MAP3K10: variants seen among roughly 807,000 people sequenced by gnomAD.
MAP3K10 encodes mitogen-activated protein kinase kinase kinase 10.
A neutral mutation model predicts 75.0 loss-of-function variants in MAP3K10; 22 were observed. That is an observed-to-expected ratio of 0.29 (90% CI 0.21 to 0.42). The LOEUF (loss-of-function observed/expected upper bound fraction) is 0.42, where lower values mean the gene tolerates loss of function less well. Among genes scored for constraint, MAP3K10 ranks in the 10% least tolerant of loss-of-function variants. MAP3K10 has a pLI of 1.00. For synonymous variants in MAP3K10, 599 were observed against 612.9 expected, an observed-to-expected ratio of 0.98 and a Z score of 0.34; for missense variants, 1,165 against 1,379.8, an observed-to-expected ratio of 0.84 and a Z score of 2.47.
Position 40,205,921 on chromosome 19 carries a change from G to A in MAP3K10, c.1199G>A (p.Ser400Asn). The A allele has an allele frequency of 3.8e-6, 6 of 1,566,918 alleles. No homozygotes were observed. Among genetic ancestry groups the A allele is most frequent in the Non-Finnish European group, 5.2e-6 (6 of 1,154,074 alleles). ...GCCTCTCCTTCCCAGGAGCTTCGGA[G>A]CCGTGAGGAGGAGCTGCTGCGGGCG... Reference protein sequence around the residue: ...DLRTKEKELRSREEELLRAAQ... With the variant: ...DLRTKEKELRNREEELLRAAQ... The change falls in exon 5 of 10, where the codon AGC (serine) becomes AAC (asparagine). Residue 400 changes from serine (S) to asparagine (N), a missense_variant. Around this residue, in one of 2 missense-constraint regions of MAP3K10, gnomAD observed 575 missense variants for 793.2 expected, o/e 0.72. Transcript: ENST00000253055. This position sits in a 1 kb window ranked among gnomAD's most constrained non-coding sequence, Gnocchi z 4.3.
In MAP3K10 at chr19:40,215,196, G is replaced by T; in HGVS notation, c.2769G>T (p.Gly923=). Residue 923 remains glycine (G), a synonymous_variant, in exon 10 of 10, where the codon GGG becomes GGT. Coordinates refer to ENST00000253055, the MANE Select transcript of MAP3K10 (RefSeq NM_002446.4). ...GGCCAGACACTCCGGAGAGCCCTGGGCCCCCCAGCGTGCAGCCCACACTGC... is the reference window on the plus strand; with the variant it reads ...GGCCAGACACTCCGGAGAGCCCTGGTCCCCCCAGCGTGCAGCCCACACTGC... ...PSRPDTPESP[G]PPSVQPTLLD... 1 of 1,585,714 alleles carries T rather than the reference G, an allele frequency of 6.3e-7. No individual in the cohort carries two copies. Among genetic ancestry groups the T allele is most frequent in the Non-Finnish European group, 8.6e-7 (1 of 1,167,020 alleles).
Position 40,212,249 on chromosome 19 carries a change from G to T in MAP3K10, c.1553-556G>T, listed in dbSNP as rs1189243116. Among the ~76,000 whole-genome samples the T allele has an allele frequency of 1.3e-5, 2 of 152,186 alleles. No homozygotes were observed. Among genetic ancestry groups the T allele is most frequent in the African/African-American group, 4.8e-5 (2 of 41,442 alleles). ...CACGGTCATCGGAGTTTCCTGGTGG[G>T]TTGAAGGGTGAAAGGCTAGCTCCCA... On this transcript the variant is annotated intron_variant, in intron 6 of 9. Coordinates refer to ENST00000253055, the MANE Select transcript of MAP3K10 (RefSeq NM_002446.4). This position sits in a 1 kb window ranked among gnomAD's most constrained non-coding sequence, Gnocchi z 4.2.
At chr19:40,209,405 T>C (rs1473491447) in intron 6 of MAP3K10, among the ~76,000 whole-genome samples, 186 bp downstream of exon 6, 1 of 152,050 alleles carries the variant, frequency 6.6e-6, no homozygotes, top group Non-Finnish European at 1.5e-5. Context: ...TAATTTCTTT[T>C]TTTTTTTTTT....
intron 6 of MAP3K10, among the ~76,000 whole-genome samples, chr19:40,210,956 C>G (rs1973227883): frequency 6.6e-6 from 1 of 152,190 alleles, no homozygotes; most frequent in South Asian, 2.1e-4. Flanking sequence ...CAGCAACACC[C>G]TCACAGAAAT....
chr19:40,208,221 G>C (rs1973158641), intron 5 of MAP3K10, among the ~76,000 whole-genome samples: 1 of 151,626 alleles, frequency 6.6e-6, no homozygotes, highest in African/African-American at 2.4e-5. Context: ...ACCCAGGCTG[G>C]AGTGCAGTGG....
Position 40,214,002 on chromosome 19 carries a change from T to TACCCCCC in MAP3K10, c.2323_2324insACCCCCC (p.Ser775TyrfsTer79). On this transcript the variant is annotated frameshift_variant, in exon 9 of 10. Transcript: ENST00000253055. LOFTEE classifies it high-confidence loss of function. The stretch of plus-strand genomic sequence containing the variant: ...TGACGAGGCCGCACCGGCCGCGCCC[T>TACCCCCC]CCCCACCACCCTCCCCGCCCGCGCC... The TACCCCCC allele has an allele frequency of 2.7e-6, 4 of 1,493,662 alleles. No individual in the cohort carries two copies. Among genetic ancestry groups the TACCCCCC allele is most frequent in the African/African-American group, 1.5e-5 (1 of 67,948 alleles). 92.5% of individuals were successfully genotyped at this position (1,493,662 alleles called of 1,614,324 possible).
Position 40,204,398 on chromosome 19 carries a change from G to A in MAP3K10, c.864-87G>A. 6.7e-7 allele frequency: 1 copy of A among 1,488,404 alleles called. No individual in the cohort carries two copies. Among genetic ancestry groups the A allele is most frequent in the Non-Finnish European group, 9.0e-7 (1 of 1,106,990 alleles). The allele number at this position is 1,488,404 out of a possible 1,614,324, so 92.2% of individuals were successfully genotyped here. ...GGGGGTGGCTGTTGGGGTGAGGGCAGCCCTGCATGGGACCAAGGGCAGGGC... is the reference window on the plus strand; with the variant it reads ...GGGGGTGGCTGTTGGGGTGAGGGCAACCCTGCATGGGACCAAGGGCAGGGC... On this transcript the variant is annotated intron_variant, in intron 2 of 9. Coordinates refer to ENST00000253055, the MANE Select transcript of MAP3K10 (RefSeq NM_002446.4). The surrounding 1 kb of genome is among the most constrained non-coding windows in gnomAD (Gnocchi z 4.3).
At chr19:40,209,560 A>G (rs1403091536) in intron 6 of MAP3K10, among the ~76,000 whole-genome samples, 1 of 151,902 alleles carries the variant, frequency 6.6e-6, no homozygotes, top group Non-Finnish European at 1.5e-5. Context: ...TTACAGTCAC[A>G]CATGACCACG....
chr19:40,210,007 C>T (rs1005463095), intron 6 of MAP3K10, among the ~76,000 whole-genome samples: 2 of 152,052 alleles, frequency 1.3e-5, no homozygotes, highest in Non-Finnish European at 2.9e-5. Context: ...GTGGCTCACG[C>T]CTGTAATTCC....
chr19:40,208,181 G>GT (rs942249889), intron 5 of MAP3K10, among the ~76,000 whole-genome samples: 80 of 150,602 alleles, frequency 5.3e-4, no homozygotes, highest in Admixed American at 1.7e-3. Context: ...TTTTGTTTTT[G>GT]TTTTTTTTGA....
chr19:40,193,175 G>A (rs778201135), intron 1 of MAP3K10, among the ~76,000 whole-genome samples: 1 of 152,078 alleles, frequency 6.6e-6, no homozygotes. Context: ...GTTGCTTAGC[G>A]GCATCTTTAG....
rs1258703155 is a variant in MAP3K10 at position 40,213,291 on chromosome 19, G to A, written c.1837+103G>A. The A allele has an allele frequency of 6.9e-7, 1 of 1,454,574 alleles. No individual in the cohort carries two copies. The highest frequency in any genetic ancestry group is 9.0e-7 in the Non-Finnish European group (1 of 1,106,206). The allele number at this position is 1,454,574 out of a possible 1,614,324, so 90.1% of individuals were successfully genotyped here. On this transcript the variant is annotated intron_variant, in intron 8 of 9. Transcript: ENST00000253055. The surrounding 1 kb of genome is among the most constrained non-coding windows in gnomAD (Gnocchi z 5.7). ...CCAGGTTTCACTGGGCCAGTGAGTG[G>A]AAGGCCTTCCTGGGAAGGGAGATGG...
In MAP3K10 at chr19:40,208,442, T is replaced by C. The variant is rs543453651; in HGVS notation, c.1436-661T>C. On this transcript the variant is annotated intron_variant, in intron 5 of 9. Coordinates refer to ENST00000253055, the MANE Select transcript of MAP3K10 (RefSeq NM_002446.4). ...CAATCTCCTGACCTCGTGATCCGCC[T>C]GCCTCGGCCTCCCAAAGTGCTGGGA... Among the ~76,000 whole-genome samples the C allele has an allele frequency of 6.7e-3, 965 of 143,374 alleles. 13 individuals carry two copies. The highest frequency in any genetic ancestry group is 0.023 in the African/African-American group (908 of 39,590). 94.1% of individuals were successfully genotyped at this position (143,374 alleles called of 152,430 possible). A position where few individuals can be genotyped will look rare whatever the true frequency, so the allele number is the denominator to read the frequency against.
In MAP3K10 at chr19:40,192,153, A is replaced by C. The variant is rs745925376; in HGVS notation, c.122A>C (p.Asp41Ala). The C allele has an allele frequency of 2.5e-6, 4 of 1,601,434 alleles. No individual in the cohort carries two copies. The African/African-American group carries it at 5.4e-5, about 21-fold the overall frequency. Residue 41 changes from aspartate (D) to alanine (A), a missense_variant, in exon 1 of 10, where the codon GAT becomes GCT. By Grantham distance (126) the Asp-to-Ala change is moderately radical (BLOSUM62 -2). This residue lies in a region of MAP3K10 where 575 missense variants were observed against 793.2 expected (regional missense o/e 0.72). Coordinates refer to ENST00000253055, the MANE Select transcript of MAP3K10 (RefSeq NM_002446.4). The surrounding 1 kb of genome is among the most constrained non-coding windows in gnomAD (Gnocchi z 7.1). The part of the protein sequence containing the change: ...GDEELTLRRG[D>A]RVQVLSQDCA... ...GAGGAGCTGACCCTGCGGAGGGGCG[A>C]TCGCGTCCAGGTGCTTTCCCAAGAC... is the stretch of plus-strand genomic sequence containing the variant.
chr19:40,206,704 G>T (rs1193877678), intron 5 of MAP3K10, among the ~76,000 whole-genome samples: 1 of 152,202 alleles, frequency 6.6e-6, no homozygotes, highest in African/African-American at 2.4e-5. Context: ...TGCCCCTCCA[G>T]ACAACCTCAC....
rs1296929741 is a variant in MAP3K10 at position 40,204,417 on chromosome 19, G to A, written c.864-68G>A. On this transcript the variant is annotated intron_variant, in intron 2 of 9. Coordinates refer to ENST00000253055, the MANE Select transcript of MAP3K10 (RefSeq NM_002446.4). This position sits in a 1 kb window ranked among gnomAD's most constrained non-coding sequence, Gnocchi z 4.3. ...AGGGCAGCCCTGCATGGGACCAAGG[G>A]CAGGGCTGGGTATAGGTGAGGATTG... 2.6e-6 allele frequency: 4 copies of A among 1,549,598 alleles called. No individual in the cohort carries two copies. The highest frequency in any genetic ancestry group is 1.4e-5 in the African/African-American group (1 of 73,946).
chr19:40,212,683 G>A lies in MAP3K10; in HGVS notation c.1553-122G>A, dbSNP rs1296780076. On this transcript the variant is annotated intron_variant, in intron 6 of 9. Transcript: ENST00000253055. The surrounding 1 kb of genome is among the most constrained non-coding windows in gnomAD (Gnocchi z 4.2). ...TATATAGCAGGGAGGGTCATGACTGGAGTTCAAAAGAGCCCTTGGACTCCC... is the reference window on the plus strand; with the variant it reads ...TATATAGCAGGGAGGGTCATGACTGAAGTTCAAAAGAGCCCTTGGACTCCC... The A allele has an allele frequency of 3.2e-6, 4 of 1,231,220 alleles. No homozygotes were observed. Among genetic ancestry groups the A allele is most frequent in the Non-Finnish European group, 3.4e-6 (3 of 885,676 alleles). The allele number at this position is 1,231,220 out of a possible 1,614,324, so 76.3% of individuals were successfully genotyped here.
At position 40,213,920 on chromosome 19, in the gene MAP3K10, G is replaced by C; in HGVS notation, c.2241G>C (p.Val747=). The C allele has an allele frequency of 6.6e-7, 1 of 1,521,328 alleles. No homozygotes were observed. The highest frequency in any genetic ancestry group is 8.8e-7 in the Non-Finnish European group (1 of 1,142,312). 94.2% of individuals were successfully genotyped at this position (1,521,328 alleles called of 1,614,324 possible). The change falls in exon 9 of 10, where the codon GTG becomes GTC. Residue 747 remains valine (V), a synonymous_variant. Transcript: ENST00000253055. The surrounding 1 kb of genome is among the most constrained non-coding windows in gnomAD (Gnocchi z 5.7). ...GLGLAPSATL[V]SLSSVSDCNS... ...GCCTGGCGCCCTCGGCCACCCTCGT[G>C]TCGCTGTCGTCCGTGTCCGACTGCA...
chr19:40,215,461 G>A lies in MAP3K10; in HGVS notation c.*169G>A. On this transcript the variant is annotated 3_prime_UTR_variant, in exon 10 of 10. Coordinates refer to ENST00000253055, the MANE Select transcript of MAP3K10 (RefSeq NM_002446.4). ...AACTTATTCCTTTGTACCCCAGGGG[G>A]TGGAGCCCTGTGCCCACCCTGCACT... The A allele has an allele frequency of 1.5e-6, 1 of 660,800 alleles. No individual in the cohort carries two copies. Among genetic ancestry groups the A allele is most frequent in the Non-Finnish European group, 2.5e-6 (1 of 392,588 alleles). The allele number at this position is 660,800 out of a possible 1,614,324, so 40.9% of individuals were successfully genotyped here. A position where few individuals can be genotyped will look rare whatever the true frequency, so the allele number is the denominator to read the frequency against.
Sources: allele counts gnomAD v4.1 joint callset (sites outside exome capture counted in the v4.1 genomes callset), GRCh38; gene constraint gnomAD v4.1.1; regional missense constraint gnomAD v4.1.1; non-coding constraint Gnocchi (gnomAD v3.1); transcripts MANE v1.5; gene names NCBI Gene and HGNC (gene_info 2026-07-23, HGNC 2026-07-21).